IL1RAPL2: variants seen among roughly 807,000 people sequenced by gnomAD.
IL1RAPL2 encodes the protein interleukin 1 receptor accessory protein like 2, also known as X-linked interleukin-1 receptor accessory protein-like 2.
Under a neutral mutation model 44.1 loss-of-function variants are expected in IL1RAPL2, and 3 were observed. The observed-to-expected ratio is 0.07, with a 90% CI of 0.03 to 0.18. The LOEUF (loss-of-function observed/expected upper bound fraction) is 0.18, where lower values mean the gene tolerates loss of function less well. Ranked by LOEUF, IL1RAPL2 falls within the 10% of genes least tolerant of loss-of-function variation. The probability of loss-of-function intolerance (pLI) is 1.00; values close to 1 mark genes in which losing one functional copy is unlikely to be tolerated. For missense variants in IL1RAPL2, 391 were observed against 496.4 expected, an observed-to-expected ratio of 0.79 and a Z score of 2.02; for synonymous variants, 181 against 178.8, an observed-to-expected ratio of 1.01 and a Z score of -0.10.
At chrX:104,572,129 T>C (rs1014328727) in intron 1 of IL1RAPL2, among the ~76,000 whole-genome samples, 2 of 111,837 alleles carry the variant, frequency 1.8e-5, no homozygotes, top group East Asian at 5.6e-4. Context: ...CCTTGCTTAA[T>C]ATTTATAATT....
At chrX:104,630,758 A>G (rs1190713751) in intron 1 of IL1RAPL2, among the ~76,000 whole-genome samples, 1 of 111,552 alleles carries the variant, frequency 9.0e-6, no homozygotes, top group African/African-American at 3.3e-5. Context: ...TGGTCATTTT[A>G]ACAATGTTAA....
intron 2 of IL1RAPL2, among the ~76,000 whole-genome samples, chrX:104,785,831 G>T (rs770559220): frequency 1.3e-4 from 15 of 112,319 alleles, no homozygotes; most frequent in African/African-American, 4.5e-4. Flanking sequence ...GGTTTGCTTA[G>T]TTTGCAGAAG....
rs763669495 is a variant in IL1RAPL2, at chrX:105,406,359, A to G, written c.698-77954A>G. ...CGTCATGGACAGCTCATTGTAAATGATGGCATTAATTTATTGGGTGTGTTA... is the reference window on the plus strand; with the variant it reads ...CGTCATGGACAGCTCATTGTAAATGGTGGCATTAATTTATTGGGTGTGTTA... On this transcript the variant is annotated intron_variant, in intron 5 of 10. Coordinates refer to ENST00000372582, the MANE Select transcript of IL1RAPL2 (RefSeq NM_017416.2). 37 of 1,069,088 alleles carry G rather than the reference A, an allele frequency of 3.5e-5. No individual in the cohort carries two copies. The African/African-American group carries it at 6.4e-4, about 19-fold the overall frequency. The allele number at this position is 1,069,088 out of a possible 1,213,427, so 88.1% of individuals were successfully genotyped here.
At chrX:105,211,785 A>G (rs927287217) in intron 3 of IL1RAPL2, among the ~76,000 whole-genome samples, 1 of 110,503 alleles carries the variant, frequency 9.0e-6, no homozygotes, top group Non-Finnish European at 1.9e-5. Flanking sequence ...TCCCCAATTC[A>G]TCTCAACAGG....
At chrX:104,693,841 A>G (rs1931135085) in intron 2 of IL1RAPL2, among the ~76,000 whole-genome samples, 1 of 111,828 alleles carries the variant, frequency 8.9e-6, no homozygotes, top group Non-Finnish European at 1.9e-5. Flanking sequence ...AGCTCCCCCA[A>G]TATTAGAGCA....
In IL1RAPL2 at chrX:104,821,278, G is replaced by A. The variant is rs189838064; in HGVS notation, c.82+162283G>A. ...TTTTTTATTATACCTTAAGTTCCGC[G>A]ATACATGCGCAGAACATGCAGGTTT... On this transcript the variant is annotated intron_variant, in intron 2 of 10. Coordinates refer to ENST00000372582, the MANE Select transcript of IL1RAPL2 (RefSeq NM_017416.2). Among the ~76,000 whole-genome samples the A allele has an allele frequency of 1.3e-3, 148 of 110,234 alleles. 1 individual carries two copies. The highest frequency in any genetic ancestry group is 1.7e-3 in the Non-Finnish European group (92 of 52,903).
intron 2 of IL1RAPL2, among the ~76,000 whole-genome samples, chrX:104,788,055 G>A (rs1008702021): frequency 6.3e-5 from 7 of 111,839 alleles, no homozygotes; most frequent in African/African-American, 1.6e-4. Context: ...AGGAGGGAGA[G>A]AGTGTGGTGG....
chrX:104,674,267 C>T (rs972109394), intron 2 of IL1RAPL2, among the ~76,000 whole-genome samples: 15 of 111,540 alleles, frequency 1.3e-4, no homozygotes, highest in East Asian at 2.8e-4. Flanking sequence ...TTTTGAAATA[C>T]GTCCCATCAT....
At chrX:105,730,731 A>G (rs1358741685) in intron 7 of IL1RAPL2, among the ~76,000 whole-genome samples, 1 of 111,639 alleles carries the variant, frequency 9.0e-6, no homozygotes, top group African/African-American at 3.2e-5. Flanking sequence ...CTGTAGGAAT[A>G]CATGGAAATT....
intron 2 of IL1RAPL2, among the ~76,000 whole-genome samples, chrX:104,989,811 C>G (rs891823848): frequency 9.0e-6 from 1 of 111,669 alleles, no homozygotes; most frequent in African/African-American, 3.3e-5. Context: ...TGTCATGACT[C>G]TATTTCTCTT....
intron 6 of IL1RAPL2, among the ~76,000 whole-genome samples, chrX:105,540,191 A>C (rs1375007211): frequency 8.9e-6 from 1 of 112,126 alleles, no homozygotes; most frequent in African/African-American, 3.2e-5. Flanking sequence ...TATCAGGTAT[A>C]TATTCAAAAG....
chrX:104,666,882 A>C (rs966353139), intron 2 of IL1RAPL2, among the ~76,000 whole-genome samples: 1 of 112,220 alleles, frequency 8.9e-6, no homozygotes, highest in Non-Finnish European at 1.9e-5. Flanking sequence ...TATGAGAAGG[A>C]CACTGAATAT....
At chrX:105,142,763 T>C (rs1015799335) in intron 2 of IL1RAPL2, among the ~76,000 whole-genome samples, 3 of 109,955 alleles carry the variant, frequency 2.7e-5, no homozygotes, top group African/African-American at 9.9e-5. Context: ...TATCTCCTAA[T>C]GCATCCCTCC....
chrX:105,597,763 A>T (rs908581632), intron 6 of IL1RAPL2, among the ~76,000 whole-genome samples: 11 of 111,998 alleles, frequency 9.8e-5, no homozygotes, highest in African/African-American at 3.6e-4. Flanking sequence ...GAGGACACAG[A>T]TCCAAACCAT....
At chrX:105,659,485 G>A (rs917976028) in intron 6 of IL1RAPL2, among the ~76,000 whole-genome samples, 6 of 108,525 alleles carry the variant, frequency 5.5e-5, no homozygotes, top group Admixed American at 9.9e-5. Context: ...GTGAAACCCC[G>A]TCTCTACTAA....
intron 6 of IL1RAPL2, among the ~76,000 whole-genome samples, chrX:105,635,408 TAAG>T (rs2037516308): frequency 9.0e-6 from 1 of 111,565 alleles, no homozygotes; most frequent in Non-Finnish European, 1.9e-5. Context: ...GTTAGAATAT[TAAG>T]AAGACCAGAG....
At chrX:105,415,553 A>G (rs754028804) in intron 5 of IL1RAPL2, among the ~76,000 whole-genome samples, 1 of 111,909 alleles carries the variant, frequency 8.9e-6, no homozygotes, top group East Asian at 2.8e-4. Flanking sequence ...ATAAATAAGT[A>G]TAATTGCACT....
At chrX:105,643,347 G>C (rs976518071) in intron 6 of IL1RAPL2, among the ~76,000 whole-genome samples, 4 of 111,827 alleles carry the variant, frequency 3.6e-5, no homozygotes, top group African/African-American at 1.3e-4. Flanking sequence ...GAACCATTTG[G>C]ATCTGAAAGT....
At chrX:105,661,573 A>G (rs2037720511) in intron 6 of IL1RAPL2, among the ~76,000 whole-genome samples, 2 of 112,508 alleles carry the variant, frequency 1.8e-5, no homozygotes, top group South Asian at 7.3e-4. Flanking sequence ...TATATTCAGA[A>G]TCTTTTCTGA....
Sources: allele counts gnomAD v4.1 joint callset (sites outside exome capture counted in the v4.1 genomes callset), GRCh38; gene constraint gnomAD v4.1.1; transcripts MANE v1.5; gene names NCBI Gene and HGNC (gene_info 2026-07-23, HGNC 2026-07-21).